DHX34: variants seen among roughly 807,000 people sequenced by gnomAD.
DHX34 encodes the protein probable ATP-dependent RNA helicase DHX34.
Under a neutral mutation model 111.1 loss-of-function variants are expected in DHX34, and 96 were observed. That is an observed-to-expected ratio of 0.86 (90% CI 0.73 to 1.02). The LOEUF is 1.02. Ranked by LOEUF, DHX34 falls within the 50% of genes least tolerant of loss-of-function variation. DHX34 has a pLI of 0.00. For missense variants in DHX34, 1,560 were observed against 1,579.9 expected, an observed-to-expected ratio of 0.99 and a Z score of 0.21; for synonymous variants, 688 against 670.4, an observed-to-expected ratio of 1.03 and a Z score of -0.41.
rs765385705 is a variant in DHX34 at position 47,353,076 on chromosome 19, C to A, written c.46C>A (p.His16Asn). Residue 16 changes from histidine (H) to asparagine (N), a missense_variant, in exon 2 of 17, where the codon CAC (histidine) becomes AAC (asparagine). Transcript: ENST00000328771. This position sits in a 1 kb window ranked among gnomAD's most constrained non-coding sequence, Gnocchi z 4.6. Reference protein sequence around the residue: ...TREGRDRRDHHRAPSEEEALE... With the variant: ...TREGRDRRDHNRAPSEEEALE... ...GGAGGGCAGGGATCGCCGAGACCAC[C>A]ACCGGGCTCCCAGCGAGGAAGAGGC... is the stretch of plus-strand genomic sequence containing the variant. 4 of 1,614,050 alleles carry A rather than the reference C, an allele frequency of 2.5e-6. No homozygotes were observed. Among genetic ancestry groups the A allele is most frequent in the Non-Finnish European group, 3.4e-6 (4 of 1,179,908 alleles).
At chr19:47,374,670 C>T (rs767644991) in intron 9 of DHX34, among the ~76,000 whole-genome samples, 36 of 152,174 alleles carry the variant, frequency 2.4e-4, no homozygotes, top group Non-Finnish European at 4.4e-4. Flanking sequence ...CCGACACCTC[C>T]GGTACCATTT....
chr19:47,371,514 G>A (rs1278871983), intron 7 of DHX34, among the ~76,000 whole-genome samples: 1 of 152,192 alleles, frequency 6.6e-6, no homozygotes, highest in Admixed American at 6.5e-5. Flanking sequence ...ACAGAGCTGG[G>A]GTGTCCTGGA....
intron 15 of DHX34, 39 bp downstream of exon 15, chr19:47,381,031 G>A (rs1327265092): frequency 6.5e-7 from 1 of 1,542,584 alleles, no homozygotes. Context: ...TGGGATTTCA[G>A]GAAGACCCCA....
At chr19:47,378,943 A>C (rs1051521978) in intron 13 of DHX34, among the ~76,000 whole-genome samples, 2 of 150,606 alleles carry the variant, frequency 1.3e-5, no homozygotes, top group Non-Finnish European at 2.9e-5. Context: ...CAGCCTAGCC[A>C]ATGTGGTGAA....
intron 6 of DHX34, among the ~76,000 whole-genome samples, chr19:47,366,417 A>G (rs144016148): frequency 4.9e-4 from 74 of 151,944 alleles, no homozygotes; most frequent in Non-Finnish European, 9.4e-4. Flanking sequence ...AGTAGTTGAG[A>G]TTACAGGCAC....
Position 47,360,009 on chromosome 19 carries a change from C to G in DHX34, c.1314C>G (p.Leu438=). ...VAPPGVRKCI[L]STNIAETSVT... ...CCCCTGGAGTCCGGAAATGCATCCTCTCCACCAACATTGCTGAGACCTCAG... is the reference window on the plus strand; with the variant it reads ...CCCCTGGAGTCCGGAAATGCATCCTGTCCACCAACATTGCTGAGACCTCAG... The change falls in exon 5 of 17, where the codon CTC becomes CTG. Residue 438 remains leucine (L), a synonymous_variant. Transcript: ENST00000328771. The G allele has an allele frequency of 3.7e-6, 6 of 1,614,096 alleles. No homozygotes were observed. Among genetic ancestry groups the G allele is most frequent in the Non-Finnish European group, 5.1e-6 (6 of 1,180,000 alleles).
intron 3 of DHX34, among the ~76,000 whole-genome samples, chr19:47,357,347 C>G (rs1339990563): frequency 1.3e-5 from 2 of 152,212 alleles, no homozygotes; most frequent in Non-Finnish European, 2.9e-5. Context: ...AAAAGTCAAA[C>G]ATTGCCAGCA....
chr19:47,361,892 C>T (rs1969642284), intron 5 of DHX34, among the ~76,000 whole-genome samples: 1 of 152,176 alleles, frequency 6.6e-6, no homozygotes, highest in African/African-American at 2.4e-5. Context: ...TCCCCTAGTG[C>T]CTAGTGCAGT....
At chr19:47,377,370 T>C (rs1033405922) in intron 13 of DHX34, among the ~76,000 whole-genome samples, 164 bp downstream of exon 13, 1 of 152,194 alleles carries the variant, frequency 6.6e-6, no homozygotes, top group Non-Finnish European at 1.5e-5. Flanking sequence ...CTCTCATTCA[T>C]GGACTTGCTC....
chr19:47,377,742 C>T (rs1285222697), intron 13 of DHX34, among the ~76,000 whole-genome samples: 2 of 130,946 alleles, frequency 1.5e-5, no homozygotes, highest in Non-Finnish European at 3.0e-5. Context: ...GCGAGGGAGA[C>T]AGGACCCTGG....
intron 4 of DHX34, 75 bp downstream of exon 4, chr19:47,358,195 A>G (rs1969519611): frequency 6.5e-7 from 1 of 1,531,684 alleles, no homozygotes; most frequent in Non-Finnish European, 8.8e-7. Flanking sequence ...GGACTTGTGT[A>G]ACTCCACAAA....
intron 3 of DHX34, among the ~76,000 whole-genome samples, chr19:47,355,573 G>A (rs951604531): frequency 1.3e-5 from 2 of 152,156 alleles, no homozygotes; most frequent in Non-Finnish European, 2.9e-5. Flanking sequence ...AAATGGCTGG[G>A]CGCCGTGGCT....
rs1411109202 is a variant in DHX34 at position 47,357,987 on chromosome 19, ACCT to A, written c.1144_1146del (p.Leu382del). 4.3e-6 allele frequency: 7 copies of A among 1,613,860 alleles called. No individual in the cohort carries two copies. The highest frequency in any genetic ancestry group is 5.9e-6 in the Non-Finnish European group (7 of 1,180,036). ...AAGTACCCGCCTGAGGAGCGGGGTG[ACCT>A]CCTCGTCTTCCTCAGCGGCATGGCG... On this transcript the variant is annotated inframe_deletion, in exon 4 of 17. Coordinates refer to ENST00000328771, the MANE Select transcript of DHX34 (RefSeq NM_014681.6).
chr19:47,379,699 CT>C lies in DHX34; in HGVS notation c.2707-10del, dbSNP rs1970289363. ...CCACCTACTCCCTGTCTTCTGCCCC[CT>C]CTCTTTCAGTCCCTCCTGCTTTTTA... On this transcript the variant is annotated splice_polypyrimidine_tract_variant and intron_variant, in intron 13 of 16. Transcript: ENST00000328771. The C allele has an allele frequency of 1.3e-6, 2 of 1,587,054 alleles. No individual in the cohort carries two copies. Among genetic ancestry groups the C allele is most frequent in the African/African-American group, 2.7e-5 (2 of 74,526 alleles).
At chr19:47,370,721 G>A (rs1969938962) in intron 7 of DHX34, among the ~76,000 whole-genome samples, 1 of 152,142 alleles carries the variant, frequency 6.6e-6, no homozygotes, top group African/African-American at 2.4e-5. Flanking sequence ...CTGTCCTCCA[G>A]GCTGGAGTGC....
intron 12 of DHX34, chr19:47,376,854 T>G (rs1970178788): frequency 1.3e-6 from 2 of 1,531,916 alleles, no homozygotes; most frequent in South Asian, 1.2e-5. Context: ...AGCTCCCAGG[T>G]GGGTCCTGCA....
rs1415864975 is a variant in DHX34 at position 47,376,875 on chromosome 19, C to T, written c.2600-225C>T. ...CAGGTGGGTCCTGCAGAGGGAGGCC[C>T]CCCTGGCACCCGTGTGCATGGAAGG... On this transcript the variant is annotated intron_variant, in intron 12 of 16. Coordinates refer to ENST00000328771, the MANE Select transcript of DHX34 (RefSeq NM_014681.6). The T allele has an allele frequency of 2.6e-6, 4 of 1,533,320 alleles. No individual in the cohort carries two copies. In the Admixed American group the frequency reaches 7.9e-5, roughly 30 times the overall value. 95.0% of individuals were successfully genotyped at this position (1,533,320 alleles called of 1,614,324 possible). A position where few individuals can be genotyped will look rare whatever the true frequency, so the allele number is the denominator to read the frequency against.
At chr19:47,350,196 G>A (rs1014142524) in intron 1 of DHX34, among the ~76,000 whole-genome samples, 20 of 152,208 alleles carry the variant, frequency 1.3e-4, no homozygotes, top group African/African-American at 2.9e-4. Context: ...GAGAGGTGGT[G>A]ATGGAGAGTG....
chr19:47,353,406 C>A lies in DHX34; in HGVS notation c.376C>A (p.Pro126Thr). The A allele has an allele frequency of 6.2e-7, 1 of 1,614,204 alleles. No homozygotes were observed. Among genetic ancestry groups the A allele is most frequent in the Non-Finnish European group, 8.5e-7 (1 of 1,180,042 alleles). ...RGSQGLGRHLPAERVAEFRRA... is the reference protein window; with the variant it reads ...RGSQGLGRHLTAERVAEFRRA... ...CTCTCAGGGACTGGGCAGGCACTTG[C>A]CCGCGGAGAGAGTGGCTGAGTTCCG... Residue 126 changes from proline to threonine, a missense_variant, in exon 2 of 17, where the codon CCC becomes ACC. Pro to Thr is a conservative substitution (Grantham distance 38). Transcript: ENST00000328771. This position sits in a 1 kb window ranked among gnomAD's most constrained non-coding sequence, Gnocchi z 4.6.
Sources: gnomAD v4.1 joint callset for allele counts (sites outside exome capture counted in the v4.1 genomes callset) on GRCh38, gnomAD v4.1.1 for gene constraint, Gnocchi (gnomAD v3.1) non-coding constraint, MANE v1.5 for transcripts, NCBI Gene and HGNC (gene_info 2026-07-23, HGNC 2026-07-21) for gene names.